ZNF649: variants seen among roughly 807,000 people sequenced by gnomAD.
ZNF649 encodes the protein zinc finger protein 649.
A neutral mutation model predicts 14.1 loss-of-function variants in ZNF649; 7 were observed. That is an observed-to-expected ratio of 0.49 (90% CI 0.28 to 0.93). ZNF649 has a LOEUF of 0.93. Among genes scored for constraint, ZNF649 ranks in the 40% least tolerant of loss-of-function variants. The pLI, the probability that ZNF649 is intolerant of heterozygous loss-of-function variation, is 0.10. For missense variants in ZNF649, 544 were observed against 608.1 expected (o/e 0.89, Z 1.11); for synonymous variants, 227 against 212.3 (o/e 1.07, Z -0.60).
chr19:51,899,984 A>G, intron 2 of ZNF649, 109 bp downstream of exon 2: 1 of 932,460 alleles, frequency 1.1e-6, no homozygotes, highest in Non-Finnish European at 1.5e-6. Context: ...GTTTCTCCCC[A>G]GAGCTCATTT....
chr19:51,897,500 C>G (rs189659447), intron 2 of ZNF649, among the ~76,000 whole-genome samples: 1 of 152,090 alleles, frequency 6.6e-6, no homozygotes, highest in Non-Finnish European at 1.5e-5. Context: ...TCATATAGTA[C>G]GTGCAGAATA....
chr19:51,897,988 G>A (rs1451636341), intron 2 of ZNF649, among the ~76,000 whole-genome samples: 1 of 150,888 alleles, frequency 6.6e-6, no homozygotes, highest in African/African-American at 2.4e-5. Flanking sequence ...TGGGCATGGT[G>A]GCACCTAGAT....
chr19:51,891,514 A>G lies in ZNF649; in HGVS notation c.622T>C (p.Cys208Arg). Residue 208 changes from cysteine (C) to arginine (R), a missense_variant, in exon 5 of 5, where the codon TGT becomes CGT. Physicochemically the swap from Cys to Arg is radical, Grantham distance 180. Transcript: ENST00000354957. This position sits in a 1 kb window ranked among gnomAD's most constrained non-coding sequence, Gnocchi z 4.2. ...TAGAAGGCTTTCCCACACAAGCTAC[A>G]CACGTGGGGTTTCTTTCCTGTATGA... ...RIHTGKKPHV[C>R]SLCGKAFYKK... The G allele has an allele frequency of 6.2e-7, 1 of 1,614,228 alleles. No homozygotes were observed. Among genetic ancestry groups the G allele is most frequent in the East Asian group, 2.2e-5 (1 of 44,882 alleles).
chr19:51,892,595 A>T (rs150482070), intron 4 of ZNF649, among the ~76,000 whole-genome samples: 1,701 of 152,308 alleles, frequency 0.011, 92 homozygotes, highest in Admixed American at 0.1. Flanking sequence ...AATATCCCAG[A>T]AAGGCAAGTT....
At chr19:51,898,974 G>A (rs977530335) in intron 2 of ZNF649, among the ~76,000 whole-genome samples, 2 of 152,014 alleles carry the variant, frequency 1.3e-5, no homozygotes, top group East Asian at 1.9e-4. Context: ...CTGGAGGTCG[G>A]GGGTGGGACT....
chr19:51,891,906 G>A lies in ZNF649; in HGVS notation c.239-9C>T, dbSNP rs377656802. On this transcript the variant is annotated splice_polypyrimidine_tract_variant and intron_variant, in intron 4 of 4. Coordinates refer to ENST00000354957, the MANE Select transcript of ZNF649 (RefSeq NM_023074.4). The surrounding 1 kb of genome is among the most constrained non-coding windows in gnomAD (Gnocchi z 4.2). ...ATCAGCTTTCTCAATTTCTAAGAGA[G>A]AGAACAATAAATCCTTCCATGATCA... 6.5e-7 allele frequency: 1 copy of A among 1,543,832 alleles called. No individual in the cohort carries two copies. Among genetic ancestry groups the A allele is most frequent in the Non-Finnish European group, 8.7e-7 (1 of 1,153,010 alleles).
rs1428440735 is a variant in ZNF649, at chr19:51,890,666, C to T, written c.1470G>A (p.Val490=). The change falls in exon 5 of 5, where the codon GTG becomes GTA. Residue 490 remains valine (V), a synonymous_variant. Transcript: ENST00000354957. The stretch of plus-strand genomic sequence containing the variant: ...ACTCACACTGCCCTGCCACCATTGC[C>T]ACAGTTACCATATTAACAGGGCTTT... ...QGKSPVNMVT[V]AMVAGQCEFA... is the part of the protein sequence containing the mutation. 2 of 1,613,968 alleles carry T rather than the reference C, an allele frequency of 1.2e-6. No homozygotes were observed. Among genetic ancestry groups the T allele is most frequent in the South Asian group, 2.2e-5 (2 of 91,078 alleles).
In ZNF649 at chr19:51,900,241, C is replaced by T. The variant is rs1328597512; in HGVS notation, c.-134G>A. ...TCCCAGAAATGATGACATCCACATCCAGGAACCTCCTCCTTCCTTCATTTG... is the reference window on the plus strand; with the variant it reads ...TCCCAGAAATGATGACATCCACATCTAGGAACCTCCTCCTTCCTTCATTTG... On this transcript the variant is annotated 5_prime_UTR_variant, in exon 2 of 5. The change creates a premature stop within an existing upstream ORF in the 5' untranslated region. Transcript: ENST00000354957. 6.2e-6 allele frequency: 4 copies of T among 644,258 alleles called. No homozygotes were observed. The highest frequency in any genetic ancestry group is 9.8e-6 in the Non-Finnish European group (4 of 407,570). 39.9% of individuals were successfully genotyped at this position (644,258 alleles called of 1,614,324 possible).
chr19:51,898,312 C>A (rs1052145688), intron 2 of ZNF649, among the ~76,000 whole-genome samples: 4 of 152,136 alleles, frequency 2.6e-5, no homozygotes, highest in Admixed American at 6.5e-5. Flanking sequence ...GGGGTCCCCA[C>A]GTTATCACAC....
At chr19:51,903,176 C>A (rs971918346) in intron 1 of ZNF649, among the ~76,000 whole-genome samples, 1 of 152,124 alleles carries the variant, frequency 6.6e-6, no homozygotes, top group Non-Finnish European at 1.5e-5. Flanking sequence ...CCCTCAGGCA[C>A]CTCCACATGC....
intron 2 of ZNF649, among the ~76,000 whole-genome samples, chr19:51,898,095 CA>C (rs34792714): frequency 4.0e-3 from 338 of 84,366 alleles, no homozygotes; most frequent in South Asian, 8.8e-3. Context: ...AAGACTGTCT[CA>C]AAAAAAAAAA....
intron 1 of ZNF649, among the ~76,000 whole-genome samples, chr19:51,900,903 T>G (rs1253101622): frequency 6.6e-6 from 1 of 152,166 alleles, no homozygotes; most frequent in Non-Finnish European, 1.5e-5. Flanking sequence ...ATGCAGTGAT[T>G]CACTAGGTGA....
At chr19:51,902,990 C>T (rs1286679461) in intron 1 of ZNF649, among the ~76,000 whole-genome samples, 1 of 151,948 alleles carries the variant, frequency 6.6e-6, no homozygotes, top group Non-Finnish European at 1.5e-5. Context: ...GTAAATGCTC[C>T]AGCTGCAAGC....
chr19:51,892,008 G>T, intron 4 of ZNF649, 111 bp from the exon 5 acceptor site: 1 of 1,225,652 alleles, frequency 8.2e-7, no homozygotes, highest in Non-Finnish European at 1.1e-6. Flanking sequence ...ATACCAACAT[G>T]GAAGGAATTC....
rs1033245345 is a variant in ZNF649, at chr19:51,900,298, T to C, written c.-187-4A>G. ...CTTGCTTCTGGGGAGCCAGGACCTA[T>C]GGAGTAAAAATCAAGTTCATTTGGT... On this transcript the variant is annotated splice_region_variant and splice_polypyrimidine_tract_variant and intron_variant, in intron 1 of 4. Coordinates refer to ENST00000354957, the MANE Select transcript of ZNF649 (RefSeq NM_023074.4). The C allele has an allele frequency of 8.7e-5, 38 of 437,262 alleles. No homozygotes were observed. Among genetic ancestry groups the C allele is most frequent in the Non-Finnish European group, 1.4e-4 (35 of 246,262 alleles). 27.1% of individuals were successfully genotyped at this position (437,262 alleles called of 1,614,324 possible).
intron 4 of ZNF649, among the ~76,000 whole-genome samples, chr19:51,893,199 A>G (rs2085036117): frequency 6.6e-6 from 1 of 152,182 alleles, no homozygotes; most frequent in Non-Finnish European, 1.5e-5. Context: ...CATACAGTCA[A>G]ATTCCACCTC....
intron 4 of ZNF649, 30 bp downstream of exon 4, chr19:51,896,442 T>C: frequency 1.3e-6 from 2 of 1,598,382 alleles, no homozygotes; most frequent in Non-Finnish European, 1.7e-6. Flanking sequence ...TTCCGCTGCC[T>C]TCCCCTCTTG....
At chr19:51,897,522 C>A (rs575637602) in intron 2 of ZNF649, among the ~76,000 whole-genome samples, 2 of 152,230 alleles carry the variant, frequency 1.3e-5, no homozygotes, top group South Asian at 4.2e-4. Flanking sequence ...TCTAGCATGA[C>A]CCCCTTCATG....
intron 2 of ZNF649, among the ~76,000 whole-genome samples, chr19:51,897,439 G>A (rs1005626547): frequency 6.6e-6 from 1 of 152,114 alleles, no homozygotes; most frequent in African/African-American, 2.4e-5. Context: ...ACATGAGAAT[G>A]TCTGCAGTGT....
Sources: allele counts gnomAD v4.1 joint callset (sites outside exome capture counted in the v4.1 genomes callset), GRCh38; gene constraint gnomAD v4.1.1; non-coding constraint Gnocchi (gnomAD v3.1); transcripts MANE v1.5; gene names NCBI Gene and HGNC (gene_info 2026-07-23, HGNC 2026-07-21).